ATP2B2: variants seen among roughly 807,000 people sequenced by gnomAD.
The protein encoded by ATP2B2 is ATPase plasma membrane Ca2+ transporting 2, also known as plasma membrane calcium-transporting ATPase 2.
In ATP2B2, 15 loss-of-function variants were observed where a neutral mutation model predicts 120.0. That is an observed-to-expected ratio of 0.12 (90% confidence interval 0.08 to 0.19). The LOEUF (loss-of-function observed/expected upper bound fraction) is 0.19, where lower values mean the gene tolerates loss of function less well. Among genes scored for constraint, ATP2B2 ranks in the 10% least tolerant of loss-of-function variants. The probability of loss-of-function intolerance (pLI) is 1.00; values close to 1 mark genes in which losing one functional copy is unlikely to be tolerated. For synonymous variants in ATP2B2, 694 were observed against 700.3 expected, an observed-to-expected ratio of 0.99 and a Z score of 0.14; for missense variants, 1,045 against 1,719.8, an observed-to-expected ratio of 0.61 and a Z score of 6.94.
chr3:10,482,218 G>A (rs2065443113), intron 1 of ATP2B2, among the ~76,000 whole-genome samples: 1 of 152,210 alleles, frequency 6.6e-6, no homozygotes, highest in Admixed American at 6.5e-5. Context: ...CTCATAGCCA[G>A]CCTGGGGGTG....
At chr3:10,558,211 T>G (rs2067822759) in intron 2 of ATP2B2, among the ~76,000 whole-genome samples, 1 of 152,146 alleles carries the variant, frequency 6.6e-6, no homozygotes, top group African/African-American at 2.4e-5. Flanking sequence ...TCTCAGACTG[T>G]GAGGCTCTGA....
Position 10,668,931 on chromosome 3 carries a change from G to A in ATP2B2, c.-460+38984C>T, listed in dbSNP as rs959556601. ...CGTGACTGCTCACACAACCCGAGGA[G>A]AGCCGCACTGTTCTGTCCCCTCCTT... On this transcript the variant is annotated intron_variant, in intron 1 of 21. Transcript: ENST00000646379. 5.9e-5 allele frequency among the ~76,000 whole-genome samples: 9 copies of A among 152,372 alleles called. No homozygotes were observed. The East Asian group carries it at 1.4e-3, about 23-fold the overall frequency.
intron 1 of ATP2B2, among the ~76,000 whole-genome samples, chr3:10,488,408 C>A (rs2065799208): frequency 6.6e-6 from 1 of 151,366 alleles, no homozygotes; most frequent in African/African-American, 2.4e-5. Flanking sequence ...TGCCCATCCA[C>A]CCACCCATTC....
At chr3:10,593,347 C>G (rs1036856309) in intron 2 of ATP2B2, among the ~76,000 whole-genome samples, 1 of 152,288 alleles carries the variant, frequency 6.6e-6, no homozygotes, top group East Asian at 1.9e-4. Flanking sequence ...CATGAGAAAA[C>G]AGAGCTGGAA....
At chr3:10,458,107 C>T (rs2064341546) in intron 1 of ATP2B2, among the ~76,000 whole-genome samples, 2 of 151,088 alleles carry the variant, frequency 1.3e-5, no homozygotes, top group African/African-American at 5.0e-5. Flanking sequence ...ATCCTTCCAT[C>T]TGTCTGCTTG....
chr3:10,478,580 G>T (rs1302097306), intron 1 of ATP2B2, among the ~76,000 whole-genome samples: 1 of 152,140 alleles, frequency 6.6e-6, no homozygotes, highest in Non-Finnish European at 1.5e-5. Context: ...CTGCTCCCCT[G>T]GGATTTGCTG....
At chr3:10,357,921 C>T (rs2060786796) in intron 14 of ATP2B2, among the ~76,000 whole-genome samples, 1 of 152,224 alleles carries the variant, frequency 6.6e-6, no homozygotes, top group Non-Finnish European at 1.5e-5. Context: ...CTCCCCTGAC[C>T]CCGGCAGCTC....
rs549651187 is a variant in ATP2B2 at position 10,673,806 on chromosome 3, C to CAAAAAAAA, written c.-460+34101_-460+34108dup. On this transcript the variant is annotated intron_variant, in intron 1 of 21. Coordinates refer to the ATP2B2 transcript ENST00000646379. ...TGGGTGACAGGGTGAGACCCTGTTT[C>CAAAAAAAA]AAAAAAAAAAAAAAAAAAAAAAGAA... Among the ~76,000 whole-genome samples the CAAAAAAAA allele has an allele frequency of 6.9e-4, 51 of 73,762 alleles. 1 individual carries two copies. The highest frequency in any genetic ancestry group is 2.8e-3 in the African/African-American group (49 of 17,804). The allele number at this position is 73,762 out of a possible 152,430, so 48.4% of individuals were successfully genotyped here. A position where few individuals can be genotyped will look rare whatever the true frequency, so the allele number is the denominator to read the frequency against.
chr3:10,543,265 C>T lies in ATP2B2; in HGVS notation c.-414-9132G>A, dbSNP rs115470107. On this transcript the variant is annotated intron_variant, in intron 2 of 21. Transcript: ENST00000646379. ...AAATAAATTACTGTTGTTTAAGCCA[C>T]CCAGTCTGTGGTATTTTGTTATGGC... 2.0e-3 allele frequency among the ~76,000 whole-genome samples: 304 copies of T among 152,336 alleles called. 2 individuals are homozygous for T. Among genetic ancestry groups the T allele is most frequent in the African/African-American group, 7.0e-3 (291 of 41,582 alleles).
At chr3:10,670,901 C>A (rs1481656338) in intron 1 of ATP2B2, among the ~76,000 whole-genome samples, 1 of 152,164 alleles carries the variant, frequency 6.6e-6, no homozygotes, top group Non-Finnish European at 1.5e-5. Context: ...GAGCTGCTGC[C>A]ATATGAGGTG....
chr3:10,485,899 TGCTCTGAGCACCCACCCCACAATG>T (rs1345520896), intron 1 of ATP2B2, among the ~76,000 whole-genome samples: 1 of 152,114 alleles, frequency 6.6e-6, no homozygotes, highest in Non-Finnish European at 1.5e-5. Flanking sequence ...GTGAGATCCA[TGCTCTGAGCACCCACCCCACAATG>T]GCCCTGAGCG....
intron 1 of ATP2B2, among the ~76,000 whole-genome samples, chr3:10,483,052 G>A (rs2065476472): frequency 6.6e-6 from 1 of 152,220 alleles, no homozygotes. Context: ...ACAGCTCATA[G>A]GGGCAGGGTT....
At chr3:10,424,271 A>G (rs184710594) in intron 2 of ATP2B2, among the ~76,000 whole-genome samples, 12 of 152,354 alleles carry the variant, frequency 7.9e-5, no homozygotes, top group African/African-American at 2.9e-4. Context: ...TCAGGGTCAT[A>G]CGGCTAAAGC....
At chr3:10,619,268 C>T (rs1205517405) in intron 2 of ATP2B2, among the ~76,000 whole-genome samples, 1 of 152,158 alleles carries the variant, frequency 6.6e-6, no homozygotes, top group Non-Finnish European at 1.5e-5. Context: ...GTGGCTCCAT[C>T]AACCCAAGAC....
At chr3:10,467,314 C>T (rs1265093569) in intron 1 of ATP2B2, among the ~76,000 whole-genome samples, 1 of 152,238 alleles carries the variant, frequency 6.6e-6, no homozygotes, top group Non-Finnish European at 1.5e-5. Context: ...TTAGCACAGG[C>T]TATTCCCTGC....
intron 1 of ATP2B2, among the ~76,000 whole-genome samples, chr3:10,629,441 G>A (rs1341769459): frequency 1.3e-5 from 2 of 152,248 alleles, no homozygotes; most frequent in African/African-American, 2.4e-5. Context: ...AGGAGGATGT[G>A]TTGATCATTC....
intron 1 of ATP2B2, among the ~76,000 whole-genome samples, chr3:10,664,701 G>A (rs2125683938): frequency 6.6e-6 from 1 of 152,306 alleles, no homozygotes; most frequent in Non-Finnish European, 1.5e-5. Context: ...TAAGAGAGAT[G>A]ATAAAAGATT....
chr3:10,538,431 A>G (rs1257432503), intron 2 of ATP2B2, among the ~76,000 whole-genome samples: 1 of 152,200 alleles, frequency 6.6e-6, no homozygotes, highest in Non-Finnish European at 1.5e-5. Context: ...AAAAAAAGAG[A>G]ATTTTAGACC....
intron 1 of ATP2B2, among the ~76,000 whole-genome samples, chr3:10,490,308 C>G (rs978401761): frequency 6.6e-6 from 1 of 152,078 alleles, no homozygotes; most frequent in African/African-American, 2.4e-5. Flanking sequence ...ATTTCCTCAT[C>G]TGTAAAATGG....
Sources: gnomAD v4.1 joint callset for allele counts (sites outside exome capture counted in the v4.1 genomes callset) on GRCh38, gnomAD v4.1.1 for gene constraint, MANE v1.5 for transcripts, NCBI Gene and HGNC (gene_info 2026-07-23, HGNC 2026-07-21) for gene names.